PPP1R17: variants seen among roughly 807,000 people sequenced by gnomAD.
The protein encoded by PPP1R17 is G-substrate.
A neutral mutation model predicts 15.9 loss-of-function variants in PPP1R17; 12 were observed. The observed-to-expected ratio is 0.75, with a 90% CI of 0.48 to 1.22. The LOEUF (loss-of-function observed/expected upper bound fraction) is 1.22, where lower values mean the gene tolerates loss of function less well. PPP1R17 is among the 50% of genes most tolerant of loss of function. PPP1R17 has a pLI of 0.00. For missense variants in PPP1R17, 211 were observed against 187.3 expected (o/e 1.13, Z -0.74); for synonymous variants, 63 against 64.5 (o/e 0.98, Z 0.11).
intron 4 of PPP1R17, among the ~76,000 whole-genome samples, chr7:31,700,421 A>G (rs2128244800): frequency 6.6e-6 from 1 of 152,338 alleles, no homozygotes; most frequent in South Asian, 2.1e-4. Context: ...AGCAGAGAAG[A>G]AAAGTTGGAA....
At chr7:31,706,585 T>C (rs1249221807) in intron 4 of PPP1R17, among the ~76,000 whole-genome samples, 1 of 152,190 alleles carries the variant, frequency 6.6e-6, no homozygotes, top group African/African-American at 2.4e-5. Flanking sequence ...AGTACTGACA[T>C]TGAGAAATGG....
rs896199750 is a variant in PPP1R17, at chr7:31,687,259, A to G, written c.-84A>G. 5 of 152,460 alleles carry G rather than the reference A, an allele frequency of 3.3e-5. No homozygotes were observed. Among genetic ancestry groups the G allele is most frequent in the African/African-American group, 1.2e-4 (5 of 41,570 alleles). The allele number at this position is 152,460 out of a possible 1,614,324, so 9.4% of individuals were successfully genotyped here. A position where few individuals can be genotyped will look rare whatever the true frequency, so the allele number is the denominator to read the frequency against. ...CCAGGCCCAGCCTCGGTGAGCACAC[A>G]CGCCCTCCCTGTCTCTCGCCTTCGC... is the stretch of plus-strand genomic sequence containing the variant. On this transcript the variant is annotated 5_prime_UTR_variant, in exon 1 of 5. Transcript: ENST00000342032.
intron 4 of PPP1R17, among the ~76,000 whole-genome samples, chr7:31,699,750 T>C (rs902466712): frequency 6.6e-6 from 1 of 152,190 alleles, no homozygotes; most frequent in Admixed American, 6.5e-5. Context: ...TGTCTCTGTG[T>C]TGCATTTTAG....
chr7:31,702,186 A>G (rs1245102964), intron 4 of PPP1R17, among the ~76,000 whole-genome samples: 5 of 148,930 alleles, frequency 3.4e-5, no homozygotes, highest in African/African-American at 1.3e-4. Flanking sequence ...TATGGCTTAA[A>G]TCAGCTTTTC....
chr7:31,692,206 G>A (rs192972273), intron 1 of PPP1R17, among the ~76,000 whole-genome samples, 200 bp from the exon 2 acceptor site: 37 of 152,296 alleles, frequency 2.4e-4, no homozygotes, highest in Admixed American at 7.2e-4. Context: ...GTCAGTGTGA[G>A]GGTGGGAGGG....
chr7:31,689,483 C>T, intron 1 of PPP1R17, among the ~76,000 whole-genome samples: 1 of 152,046 alleles, frequency 6.6e-6, no homozygotes, highest in East Asian at 1.9e-4. Context: ...ATGACACCTG[C>T]TTGGGGTAGA....
chr7:31,702,203 A>ATT (rs1464104354), intron 4 of PPP1R17, among the ~76,000 whole-genome samples: 4 of 125,282 alleles, frequency 3.2e-5, no homozygotes, highest in South Asian at 2.5e-4. Context: ...TTTCACCCTT[A>ATT]TTTATTTTTT....
chr7:31,698,331 T>C (rs1792697885), intron 4 of PPP1R17, among the ~76,000 whole-genome samples: 1 of 152,230 alleles, frequency 6.6e-6, no homozygotes, highest in African/African-American at 2.4e-5. Context: ...TCTGCACTTC[T>C]GTCCTTGTTC....
chr7:31,695,677 GC>G (rs1349421595), intron 3 of PPP1R17, 56 bp downstream of exon 3: 18 of 1,534,104 alleles, frequency 1.2e-5, no homozygotes, highest in Non-Finnish European at 1.5e-5. Context: ...CCACTAGGTT[GC>G]ATTGTTCGTA....
In PPP1R17 at chr7:31,707,931, G is replaced by T. The variant is rs1793139914; in HGVS notation, c.*648G>T. The T allele has an allele frequency of 6.6e-6, 1 of 152,272 alleles. No homozygotes were observed. The highest frequency in any genetic ancestry group is 3.4e-3 in the Middle Eastern group (1 of 294). 9.4% of individuals were successfully genotyped at this position (152,272 alleles called of 1,614,324 possible). ...CAGAGAGTGCTGGTCTGTCTGGGAA[G>T]CTTAGCAATGTATCTTCAAATTTAT... On this transcript the variant is annotated 3_prime_UTR_variant, in exon 5 of 5. Coordinates refer to ENST00000342032, the MANE Select transcript of PPP1R17 (RefSeq NM_006658.5).
At position 31,707,356 on chromosome 7, in the gene PPP1R17, T is replaced by C; in HGVS notation, c.*73T>C. Reference sequence around the variant, plus strand: ...GTGGTGACCTAGAGAAAAAATAGACTTGTTTCTGCTCTCATTTTTGTCATC... The same window carrying C: ...GTGGTGACCTAGAGAAAAAATAGACCTGTTTCTGCTCTCATTTTTGTCATC... On this transcript the variant is annotated 3_prime_UTR_variant, in exon 5 of 5. Coordinates refer to ENST00000342032, the MANE Select transcript of PPP1R17 (RefSeq NM_006658.5). 2.4e-6 allele frequency: 3 copies of C among 1,267,234 alleles called. No homozygotes were observed. The highest frequency in any genetic ancestry group is 3.3e-6 in the Non-Finnish European group (3 of 896,928). The allele number at this position is 1,267,234 out of a possible 1,614,324, so 78.5% of individuals were successfully genotyped here. A position where few individuals can be genotyped will look rare whatever the true frequency, so the allele number is the denominator to read the frequency against.
intron 1 of PPP1R17, among the ~76,000 whole-genome samples, chr7:31,691,281 AAC>A (rs1792330266): frequency 6.6e-6 from 1 of 152,196 alleles, no homozygotes. Context: ...CTCAAAAGAC[AAC>A]AGAGTTGAAC....
intron 4 of PPP1R17, among the ~76,000 whole-genome samples, chr7:31,706,984 G>A (rs1010429187): frequency 6.6e-6 from 1 of 152,160 alleles, no homozygotes; most frequent in Non-Finnish European, 1.5e-5. Flanking sequence ...TCCAGGTGGT[G>A]CATCCCTTTG....
chr7:31,697,190 C>T, intron 4 of PPP1R17, 73 bp downstream of exon 4: 2 of 1,556,474 alleles, frequency 1.3e-6, no homozygotes, highest in Non-Finnish European at 1.7e-6. Context: ...CTGGAGGTCC[C>T]CAGGGCCTGG....
At chr7:31,697,904 C>G (rs1792669305) in intron 4 of PPP1R17, among the ~76,000 whole-genome samples, 1 of 152,136 alleles carries the variant, frequency 6.6e-6, no homozygotes, top group South Asian at 2.1e-4. Context: ...ACTTACTCAT[C>G]TACTTTAAAG....
chr7:31,707,085 C>A, intron 4 of PPP1R17, 119 bp from the exon 5 acceptor site: 2 of 851,232 alleles, frequency 2.3e-6, no homozygotes, highest in East Asian at 2.8e-5. Context: ...TAGCAGGTAA[C>A]CTTGTAGACA....
At position 31,692,421 on chromosome 7, in the gene PPP1R17, A is replaced by ACATC; in HGVS notation, c.-18_-15dup. The ACATC allele has an allele frequency of 6.4e-7, 1 of 1,573,160 alleles. No individual in the cohort carries two copies. The highest frequency in any genetic ancestry group is 8.7e-7 in the Non-Finnish European group (1 of 1,143,618). On this transcript the variant is annotated 5_prime_UTR_variant, in exon 2 of 5. Coordinates refer to ENST00000342032, the MANE Select transcript of PPP1R17 (RefSeq NM_006658.5). ...ACTTCCTTAGTGCTGGAGAAGAAAT[A>ACATC]CATCCACCCACCCTCCTTTGATGAT...
intron 2 of PPP1R17, 64 bp from the exon 3 acceptor site, chr7:31,695,405 C>G: frequency 6.8e-7 from 1 of 1,461,130 alleles, no homozygotes; most frequent in Non-Finnish European, 9.2e-7. Flanking sequence ...AGGAACCAAA[C>G]AGTTTGTGAC....
chr7:31,702,158 T>G (rs1792875153), intron 4 of PPP1R17, among the ~76,000 whole-genome samples: 1 of 152,198 alleles, frequency 6.6e-6, no homozygotes, highest in Non-Finnish European at 1.5e-5. Context: ...TATGGGAAAT[T>G]CTGCCTTAGA....
Sources: gnomAD v4.1 joint callset for allele counts (sites outside exome capture counted in the v4.1 genomes callset) on GRCh38, gnomAD v4.1.1 for gene constraint, MANE v1.5 for transcripts, NCBI Gene and HGNC (gene_info 2026-07-23, HGNC 2026-07-21) for gene names.